The following THBS2 variants were observed in gnomAD, a reference collection of about 807,000 sequenced individuals.
THBS2 encodes thrombospondin-2.
THBS2 carries 47 observed loss-of-function variants against 135.2 expected under a neutral mutation model. The observed-to-expected ratio is 0.35, with a 90% CI of 0.28 to 0.44. The LOEUF is 0.44. Ranked by LOEUF, THBS2 falls within the 20% of genes least tolerant of loss-of-function variation. The pLI is 1.00. For synonymous variants in THBS2, 639 were observed against 633.8 expected, an observed-to-expected ratio of 1.01 and a Z score of -0.12; for missense variants, 1,288 against 1,603.1, an observed-to-expected ratio of 0.80 and a Z score of 3.36.
rs781689540 is a variant in THBS2 at position 169,233,024 on chromosome 6, G to A, written c.1652-7C>T. ...GGGTTGGATAAACAGCCATCTGGGTGGGAGAAGGCGGAGCAGAGTTCACCA... is the reference window on the plus strand; with the variant it reads ...GGGTTGGATAAACAGCCATCTGGGTAGGAGAAGGCGGAGCAGAGTTCACCA... On this transcript the variant is annotated splice_region_variant and splice_polypyrimidine_tract_variant and intron_variant, in intron 10 of 21. Transcript: ENST00000617924. 4 of 1,532,774 alleles carry A rather than the reference G, an allele frequency of 2.6e-6. No individual in the cohort carries two copies. The highest frequency in any genetic ancestry group is 3.5e-6 in the Non-Finnish European group (4 of 1,143,974). 94.9% of individuals were successfully genotyped at this position (1,532,774 alleles called of 1,614,324 possible).
At chr6:169,243,307 G>A (rs995556349) in intron 4 of THBS2, among the ~76,000 whole-genome samples, 36 of 152,308 alleles carry the variant, frequency 2.4e-4, no homozygotes, top group African/African-American at 7.9e-4. Context: ...GGCGAGTCAG[G>A]GACGGAGGCG....
intron 18 of THBS2, 53 bp from the exon 19 acceptor site, chr6:169,222,521 G>C: frequency 6.4e-7 from 1 of 1,573,052 alleles, no homozygotes; most frequent in Non-Finnish European, 8.6e-7. Context: ...GTGGCCGGGA[G>C]TAGTGACTCA....
chr6:169,234,913 G>A lies in THBS2; in HGVS notation c.1478-6C>T. 6.3e-7 allele frequency: 1 copy of A among 1,584,894 alleles called. No individual in the cohort carries two copies. The stretch of plus-strand genomic sequence containing the variant: ...GGGGCTCCAGCGGCCATCGACTGCG[G>A]GGAAAGCCAACCAGGGGGAGCTCAG... On this transcript the variant is annotated splice_polypyrimidine_tract_variant and splice_region_variant and intron_variant, in intron 9 of 21. Coordinates refer to ENST00000617924, the MANE Select transcript of THBS2 (RefSeq NM_003247.5).
At position 169,225,372 on chromosome 6, in the gene THBS2, A is replaced by C; in HGVS notation, c.2546T>G (p.Val849Gly). 1 of 1,554,250 alleles carries C rather than the reference A, an allele frequency of 6.4e-7. No individual in the cohort carries two copies. Among genetic ancestry groups the C allele is most frequent in the Non-Finnish European group, 8.7e-7 (1 of 1,148,362 alleles). Residue 849 changes from valine (V) to glycine (G), a missense_variant, in exon 17 of 22, where the codon GTG (valine) becomes GGG (glycine). Val to Gly is a moderately radical substitution (Grantham distance 109). Transcript: ENST00000617924. ...CTGGTCCCCAACAAGGTCATTGTCCACGTCGGTCTAGGGGATGGGGCGTGA... is the reference window on the plus strand; with the variant it reads ...CTGGTCCCCAACAAGGTCATTGTCCCCGTCGGTCTAGGGGATGGGGCGTGA... ...PLVHNPDQTD[V>G]DNDLVGDQCD...
At chr6:169,249,440 G>C (rs183120438) in intron 2 of THBS2, among the ~76,000 whole-genome samples, 81 of 152,252 alleles carry the variant, frequency 5.3e-4, no homozygotes, top group African/African-American at 1.9e-3. Context: ...TGATTGCTCA[G>C]GAAAAAACCA....
At chr6:169,242,838 ACCTTC>A in intron 4 of THBS2, among the ~76,000 whole-genome samples, 2 of 55,162 alleles carry the variant, frequency 3.6e-5, no homozygotes, top group African/African-American at 8.1e-5. Context: ...CCACCTTCCC[ACCTTC>A]CCACTGCTCC....
At chr6:169,242,548 C>A (rs1264171520) in intron 4 of THBS2, among the ~76,000 whole-genome samples, 2 of 151,622 alleles carry the variant, frequency 1.3e-5, no homozygotes, top group Non-Finnish European at 2.9e-5. Context: ...GGCCTTCCCA[C>A]CTTCCCACTG....
At chr6:169,223,126 TG>T in intron 18 of THBS2, 121 bp downstream of exon 18, 2 of 869,156 alleles carry the variant, frequency 2.3e-6, no homozygotes, top group Non-Finnish European at 1.8e-6. Flanking sequence ...CATGGAAGGA[TG>T]GGGGCTTCCA....
chr6:169,229,492 C>A, intron 14 of THBS2, 80 bp downstream of exon 14: 1 of 1,070,896 alleles, frequency 9.3e-7, no homozygotes. Context: ...TTGACAAGGG[C>A]TGTTTGGTAT....
intron 4 of THBS2, 126 bp downstream of exon 4, chr6:169,246,071 C>A: frequency 1.5e-6 from 1 of 670,774 alleles, no homozygotes; most frequent in South Asian, 2.7e-5. Context: ...TGGTAGTTAC[C>A]CAAATATTTT....
At position 169,215,923 on chromosome 6, in the gene THBS2, T is replaced by C. The variant is rs1186791302; in HGVS notation, c.*1899A>G. The C allele has an allele frequency of 6.6e-6, 1 of 152,582 alleles. No individual in the cohort carries two copies. The highest frequency in any genetic ancestry group is 1.9e-4 in the East Asian group (1 of 5,204). The allele number at this position is 152,582 out of a possible 1,614,324, so 9.5% of individuals were successfully genotyped here. On this transcript the variant is annotated 3_prime_UTR_variant, in exon 22 of 22. Transcript: ENST00000617924. ...TATTTACAGTCTTTGGCAAAACACA[T>C]GACGTTTCATCAACCTATACGATAA...
chr6:169,224,248 CAG>C (rs1424703121), intron 17 of THBS2, among the ~76,000 whole-genome samples: 4 of 152,238 alleles, frequency 2.6e-5, no homozygotes, highest in African/African-American at 9.6e-5. Flanking sequence ...TAGTTGGTAT[CAG>C]GGCATTCTGA....
At chr6:169,244,658 G>A (rs1780484692) in intron 4 of THBS2, among the ~76,000 whole-genome samples, 1 of 151,696 alleles carries the variant, frequency 6.6e-6, no homozygotes, top group Non-Finnish European at 1.5e-5. Context: ...AAACATTATT[G>A]CAACAAAAAG....
intron 9 of THBS2, 92 bp from the exon 10 acceptor site, chr6:169,234,999 T>C (rs1389619013): frequency 1.5e-6 from 2 of 1,321,312 alleles, no homozygotes; most frequent in Admixed American, 2.1e-5. Context: ...AGGTGGGACA[T>C]GGTGTTCCCT....
Position 169,217,621 on chromosome 6 carries a change from T to G in THBS2, c.*201A>C, listed in dbSNP as rs1779220808. 1 of 534,098 alleles carries G rather than the reference T, an allele frequency of 1.9e-6. No individual in the cohort carries two copies. Among genetic ancestry groups the G allele is most frequent in the South Asian group, 3.5e-5 (1 of 28,638 alleles). 33.1% of individuals were successfully genotyped at this position (534,098 alleles called of 1,614,324 possible). On this transcript the variant is annotated 3_prime_UTR_variant, in exon 22 of 22. Coordinates refer to ENST00000617924, the MANE Select transcript of THBS2 (RefSeq NM_003247.5). ...CTGGTTTCCTCTAGTGGGTTAGATG[T>G]TCATCTCTGAGTTCCATTGATATTT...
intron 6 of THBS2, among the ~76,000 whole-genome samples, 188 bp from the exon 7 acceptor site, chr6:169,239,883 G>A (rs1471684851): frequency 6.6e-6 from 1 of 152,096 alleles, no homozygotes; most frequent in Non-Finnish European, 1.5e-5. Context: ...CAAGAACAGG[G>A]CCCCCAGATG....
At chr6:169,228,023 G>A (rs1779702490) in intron 15 of THBS2, 99 bp downstream of exon 15, 1 of 1,416,518 alleles carries the variant, frequency 7.1e-7, no homozygotes, top group African/African-American at 1.4e-5. Context: ...GGAGATCGCA[G>A]TGAGCCAAGA....
At chr6:169,239,572 A>G in intron 7 of THBS2, 27 bp downstream of exon 7, 1 of 1,561,470 alleles carries the variant, frequency 6.4e-7, no homozygotes, top group African/African-American at 1.3e-5. Flanking sequence ...AAAATGCAGG[A>G]TGCGCTTGCC....
chr6:169,240,635 A>G (rs764257206), intron 5 of THBS2, 43 bp from the exon 6 acceptor site: 4 of 1,590,500 alleles, frequency 2.5e-6, no homozygotes, highest in Non-Finnish European at 3.4e-6. Flanking sequence ...CAATAATACT[A>G]CATATTTAGT....
Sources: allele counts gnomAD v4.1 joint callset (sites outside exome capture counted in the v4.1 genomes callset), GRCh38; gene constraint gnomAD v4.1.1; transcripts MANE v1.5; gene names NCBI Gene and HGNC (gene_info 2026-07-23, HGNC 2026-07-21).